POU2F1: variants seen among roughly 807,000 people sequenced by gnomAD.
POU2F1 encodes POU domain, class 2, transcription factor 1.
A neutral mutation model predicts 84.9 loss-of-function variants in POU2F1; 16 were observed. The ratio of observed to expected loss-of-function variants is 0.19; its 90% CI spans 0.13 to 0.29. POU2F1 has a LOEUF of 0.29. Ranked by LOEUF, POU2F1 falls within the 10% of genes least tolerant of loss-of-function variation. POU2F1 has a pLI of 1.00. For missense variants in POU2F1, 738 were observed against 942.6 expected (o/e 0.78, Z 2.84); for synonymous variants, 368 against 368.3 (o/e 1.00, Z 0.01).
chr1:167,340,431 CTTTTTTT>C (rs761386225), intron 2 of POU2F1, among the ~76,000 whole-genome samples: 6 of 122,326 alleles, frequency 4.9e-5, no homozygotes, highest in South Asian at 2.5e-4. Context: ...TTCTTTTTTT[CTTTTTTT>C]TTTTTTTTTT....
chr1:167,237,756 A>AT (rs1649577130), intron 1 of POU2F1, among the ~76,000 whole-genome samples: 1 of 80,932 alleles, frequency 1.2e-5, no homozygotes, highest in African/African-American at 4.7e-5. Flanking sequence ...GTATATATAT[A>AT]TATATATATA....
In POU2F1 at chr1:167,376,297, TA is replaced by T. The variant is rs35595535; in HGVS notation, c.718+149del. 9.5e-4 allele frequency: 1,053 copies of T among 1,103,476 alleles called. 19 individuals carry two copies. In the East Asian group the frequency reaches 0.028, roughly 29 times the overall value. 68.4% of individuals were successfully genotyped at this position (1,103,476 alleles called of 1,614,324 possible). A position where few individuals can be genotyped will look rare whatever the true frequency, so the allele number is the denominator to read the frequency against. ...TTTTATTTGATTATAAACTTTCGTT[TA>T]AAAAAAGTTTTGTTTTGTTTTTTGT... On this transcript the variant is annotated intron_variant, in intron 7 of 15. Coordinates refer to ENST00000367866, the MANE Select transcript of POU2F1 (RefSeq NM_002697.4).
intron 1 of POU2F1, among the ~76,000 whole-genome samples, chr1:167,281,825 T>G (rs1653162911): frequency 6.6e-6 from 1 of 152,252 alleles, no homozygotes; most frequent in Admixed American, 6.5e-5. Flanking sequence ...TTGTAAATTC[T>G]GCTGTCTGTT....
intron 1 of POU2F1, among the ~76,000 whole-genome samples, chr1:167,252,750 T>C (rs1650826018): frequency 6.6e-6 from 1 of 152,226 alleles, no homozygotes; most frequent in Non-Finnish European, 1.5e-5. Flanking sequence ...CATTAGAAAA[T>C]CTTTAAATTA....
intron 2 of POU2F1, among the ~76,000 whole-genome samples, chr1:167,341,460 C>G (rs1274750725): frequency 6.6e-6 from 1 of 152,082 alleles, no homozygotes; most frequent in Admixed American, 6.6e-5. Flanking sequence ...CCTATCCTGT[C>G]CTTTTTCACT....
At chr1:167,375,890 C>G in intron 6 of POU2F1, 139 bp from the exon 7 acceptor site, 1 of 1,052,106 alleles carries the variant, frequency 9.5e-7, no homozygotes, top group Non-Finnish European at 1.4e-6. Context: ...CAGAGCATAC[C>G]CTGTTTGGAA....
chr1:167,258,575 A>G (rs1651317546), intron 1 of POU2F1, among the ~76,000 whole-genome samples: 2 of 149,568 alleles, frequency 1.3e-5, no homozygotes, highest in Non-Finnish European at 2.9e-5. Flanking sequence ...CTGTATACAC[A>G]TGTGTACACA....
intron 1 of POU2F1, among the ~76,000 whole-genome samples, chr1:167,234,539 C>T (rs1340252210): frequency 6.6e-6 from 1 of 152,054 alleles, no homozygotes; most frequent in Non-Finnish European, 1.5e-5. Flanking sequence ...TGAAACTGGC[C>T]TGGGCAACAT....
chr1:167,309,246 G>T (rs1655296383), intron 1 of POU2F1, among the ~76,000 whole-genome samples: 1 of 151,980 alleles, frequency 6.6e-6, no homozygotes, highest in South Asian at 2.1e-4. Flanking sequence ...CTAGAGAATA[G>T]AATATATGTA....
At chr1:167,285,540 C>T (rs1653466302) in intron 1 of POU2F1, among the ~76,000 whole-genome samples, 1 of 151,696 alleles carries the variant, frequency 6.6e-6, no homozygotes, top group Admixed American at 6.6e-5. Context: ...TTGCGGTGAG[C>T]TGAGATCGCG....
Position 167,332,546 on chromosome 1 carries a change from T to G in POU2F1, c.127+11T>G. On this transcript the variant is annotated intron_variant, in intron 2 of 15. Transcript: ENST00000367866. ...GAGATGGCAACACAGGTAAGAGTTT[T>G]CTGATCTAGCTTTTTAATTAACTCT... 1 of 1,583,310 alleles carries G rather than the reference T, an allele frequency of 6.3e-7. No homozygotes were observed. Among genetic ancestry groups the G allele is most frequent in the Non-Finnish European group, 8.7e-7 (1 of 1,152,382 alleles).
intron 1 of POU2F1, among the ~76,000 whole-genome samples, chr1:167,256,646 C>T (rs1033975900): frequency 2.4e-4 from 37 of 152,174 alleles, no homozygotes; most frequent in Admixed American, 2.4e-3. Flanking sequence ...TATACCATAT[C>T]ATCTCACTTA....
chr1:167,314,509 G>A (rs1286119289), intron 1 of POU2F1, among the ~76,000 whole-genome samples: 1 of 152,164 alleles, frequency 6.6e-6, no homozygotes, highest in Non-Finnish European at 1.5e-5. Context: ...AGGCATGGTG[G>A]TTGTCGCCTG....
At chr1:167,352,559 C>T (rs749225703) in intron 2 of POU2F1, among the ~76,000 whole-genome samples, 32 of 152,004 alleles carry the variant, frequency 2.1e-4, no homozygotes, top group Non-Finnish European at 3.5e-4. Context: ...GTGGAAGGCT[C>T]GGAATTTCAG....
chr1:167,227,929 AGG>A (rs911398733), intron 1 of POU2F1, among the ~76,000 whole-genome samples: 3 of 152,250 alleles, frequency 2.0e-5, no homozygotes, highest in African/African-American at 7.2e-5. Context: ...TTCACAGATG[AGG>A]AAATATTTTC....
At chr1:167,377,015 A>G (rs1660371693) in intron 7 of POU2F1, among the ~76,000 whole-genome samples, 1 of 152,212 alleles carries the variant, frequency 6.6e-6, no homozygotes, top group South Asian at 2.1e-4. Context: ...GAATTTGGGA[A>G]AATACATTCA....
chr1:167,257,303 A>G (rs1347447467), intron 1 of POU2F1, among the ~76,000 whole-genome samples: 1 of 152,054 alleles, frequency 6.6e-6, no homozygotes, highest in Non-Finnish European at 1.5e-5. Context: ...ATTTTTTTTT[A>G]AGGCATTGGC....
At chr1:167,338,328 A>G in intron 2 of POU2F1, 2 of 419,426 alleles carry the variant, frequency 4.8e-6, no homozygotes, top group Non-Finnish European at 9.5e-6. Context: ...TATATAATAC[A>G]TATACAAATA....
chr1:167,322,875 A>G (rs929060043), intron 1 of POU2F1, among the ~76,000 whole-genome samples: 9 of 152,244 alleles, frequency 5.9e-5, no homozygotes, highest in Non-Finnish European at 1.3e-4. Flanking sequence ...CAGATCACTC[A>G]TACTATTGTT....
Sources: allele counts gnomAD v4.1 joint callset (sites outside exome capture counted in the v4.1 genomes callset), GRCh38; gene constraint gnomAD v4.1.1; transcripts MANE v1.5; gene names NCBI Gene and HGNC (gene_info 2026-07-23, HGNC 2026-07-21).